The following CUX1 variants were observed in gnomAD, a reference collection of about 807,000 sequenced individuals.
CUX1 encodes cut like homeobox 1.
CUX1 carries 31 observed loss-of-function variants against 158.8 expected under a neutral mutation model. That is an observed-to-expected ratio of 0.20 (90% CI 0.15 to 0.26). The LOEUF is 0.26. Ranked by LOEUF, CUX1 falls within the 10% of genes least tolerant of loss-of-function variation. CUX1 has a pLI of 1.00. For synonymous variants in CUX1, 879 were observed against 862.1 expected, an observed-to-expected ratio of 1.02 and a Z score of -0.34; for missense variants, 1,589 against 2,014.6, an observed-to-expected ratio of 0.79 and a Z score of 4.04.
intron 1 of CUX1, chr7:101,912,959 C>T (rs1254837342): frequency 6.4e-6 from 1 of 155,344 alleles, no homozygotes; most frequent in Admixed American, 6.5e-5. Flanking sequence ...ACCTCCACCT[C>T]CCCAAGATGC....
chr7:102,032,436 C>T (rs1363369229), intron 3 of CUX1, among the ~76,000 whole-genome samples: 1 of 151,752 alleles, frequency 6.6e-6, no homozygotes, highest in Non-Finnish European at 1.5e-5. Context: ...GAGGCTGAGG[C>T]GGGTGGATCA....
intron 1 of CUX1, among the ~76,000 whole-genome samples, chr7:101,863,049 C>T (rs535642394): frequency 2.0e-5 from 3 of 152,106 alleles, no homozygotes; most frequent in South Asian, 2.1e-4. Context: ...ATCGCTCACC[C>T]GACTTAAATT....
At chr7:101,991,305 A>G (rs1563100760) in intron 2 of CUX1, among the ~76,000 whole-genome samples, 4 of 152,230 alleles carry the variant, frequency 2.6e-5, no homozygotes, top group Admixed American at 6.5e-5. Flanking sequence ...ACACCAGCTA[A>G]AATGTGGGCA....
At chr7:102,216,130 C>T (rs1057277101) in intron 20 of CUX1, among the ~76,000 whole-genome samples, 2 of 152,134 alleles carry the variant, frequency 1.3e-5, no homozygotes. Context: ...ATGGGGAAAC[C>T]CCATCTCTAC....
intron 2 of CUX1, among the ~76,000 whole-genome samples, chr7:101,967,154 C>T (rs900376485): frequency 1.3e-5 from 2 of 152,134 alleles, no homozygotes; most frequent in East Asian, 1.9e-4. Context: ...GCTGGGATTA[C>T]AGGTGCCCTC....
intron 2 of CUX1, among the ~76,000 whole-genome samples, chr7:101,938,433 T>G (rs1807213107): frequency 6.6e-6 from 1 of 152,174 alleles, no homozygotes; most frequent in African/African-American, 2.4e-5. Flanking sequence ...GGAGCCTGTT[T>G]TTGGTTACAT....
chr7:102,196,923 CATG>C lies in CUX1; in HGVS notation c.1515_1517del (p.Met505del). On this transcript the variant is annotated inframe_deletion, in exon 15 of 24. Transcript: ENST00000292535. ...CTATGCAGGAAGCCGGAAGCACAAG[CATG>C]ATTTTTTCAACAGGTCCATACAGCA... 1 of 1,614,174 alleles carries C rather than the reference CATG, an allele frequency of 6.2e-7. No individual in the cohort carries two copies. The highest frequency in any genetic ancestry group is 8.5e-7 in the Non-Finnish European group (1 of 1,180,038).
At chr7:102,095,189 T>A (rs150449215) in intron 4 of CUX1, among the ~76,000 whole-genome samples, 41 of 152,056 alleles carry the variant, frequency 2.7e-4, no homozygotes, top group African/African-American at 9.6e-4. Context: ...TGTTTTTGTT[T>A]TGTAGAGACA....
intron 2 of CUX1, among the ~76,000 whole-genome samples, chr7:101,994,698 G>C (rs1815599553): frequency 6.6e-6 from 1 of 152,042 alleles, no homozygotes; most frequent in Non-Finnish European, 1.5e-5. Flanking sequence ...GTCACCTTCG[G>C]GAATCTGCTT....
chr7:102,016,972 G>A (rs1439913542), intron 2 of CUX1, among the ~76,000 whole-genome samples: 2 of 152,166 alleles, frequency 1.3e-5, no homozygotes, highest in Non-Finnish European at 2.9e-5. Context: ...GTCCATCCCT[G>A]TCTAGCACAG....
intron 20 of CUX1, among the ~76,000 whole-genome samples, chr7:102,211,079 G>A (rs1431323956): frequency 3.9e-5 from 6 of 152,152 alleles, no homozygotes; most frequent in Non-Finnish European, 7.3e-5. Flanking sequence ...GTCAGTGTCG[G>A]GGGCATGTGG....
chr7:101,925,969 CCTAAA>C (rs2129105045), intron 2 of CUX1, among the ~76,000 whole-genome samples: 1 of 152,004 alleles, frequency 6.6e-6, no homozygotes, highest in Admixed American at 6.6e-5. Flanking sequence ...AAACAAAAAA[CCTAAA>C]CTAAATTAAA....
chr7:101,966,189 C>T (rs1240720431), intron 2 of CUX1, among the ~76,000 whole-genome samples: 2 of 152,056 alleles, frequency 1.3e-5, no homozygotes, highest in Non-Finnish European at 2.9e-5. Flanking sequence ...CCCCAACCTC[C>T]CAAGTAGCTG....
At chr7:101,861,193 C>T (rs1003248978) in intron 1 of CUX1, among the ~76,000 whole-genome samples, 26 of 152,214 alleles carry the variant, frequency 1.7e-4, no homozygotes, top group Non-Finnish European at 3.1e-4. Context: ...ATTTCTGCCC[C>T]GTGTCTGCTG....
At chr7:101,828,957 T>G (rs1584676901) in intron 1 of CUX1, among the ~76,000 whole-genome samples, 5 of 149,708 alleles carry the variant, frequency 3.3e-5, no homozygotes, top group South Asian at 2.2e-4. Flanking sequence ...GATATGGAGG[T>G]TTTGGGGGGC....
At chr7:102,080,192 A>G (rs570506368) in intron 4 of CUX1, among the ~76,000 whole-genome samples, 9 of 152,120 alleles carry the variant, frequency 5.9e-5, no homozygotes, top group Admixed American at 2.6e-4. Flanking sequence ...ACAGCACTAG[A>G]GTGAGAACAC....
chr7:101,874,408 G>A (rs1798895732), intron 1 of CUX1, among the ~76,000 whole-genome samples: 4 of 152,196 alleles, frequency 2.6e-5, no homozygotes, highest in African/African-American at 9.6e-5. Context: ...ATGGTGATTT[G>A]GAACTCCCTG....
At chr7:101,964,808 A>T (rs1397683213) in intron 2 of CUX1, among the ~76,000 whole-genome samples, 1 of 152,154 alleles carries the variant, frequency 6.6e-6, no homozygotes, top group Admixed American at 6.5e-5. Flanking sequence ...TAATTGGAGG[A>T]TGGTTGCATT....
intron 2 of CUX1, among the ~76,000 whole-genome samples, chr7:102,004,382 C>T (rs1367144818): frequency 6.6e-6 from 1 of 152,134 alleles, no homozygotes; most frequent in Admixed American, 6.5e-5. Flanking sequence ...GAGCACGGGT[C>T]GGATGGCTTA....
Sources: allele counts gnomAD v4.1 joint callset (sites outside exome capture counted in the v4.1 genomes callset), GRCh38; gene constraint gnomAD v4.1.1; transcripts MANE v1.5; gene names NCBI Gene and HGNC (gene_info 2026-07-23, HGNC 2026-07-21).